BACE1: variants seen among roughly 807,000 people sequenced by gnomAD.
BACE1 encodes beta-secretase 1.
In BACE1, 21 loss-of-function variants were observed where a neutral mutation model predicts 54.0. The observed-to-expected ratio is 0.39, with a 90% CI of 0.28 to 0.56. The LOEUF (loss-of-function observed/expected upper bound fraction) is 0.56, where lower values mean the gene tolerates loss of function less well. BACE1 is among the 20% of genes least tolerant of loss of function. The pLI, the probability that BACE1 is intolerant of heterozygous loss-of-function variation, is 0.63. For synonymous variants in BACE1, 232 were observed against 260.9 expected (o/e 0.89, Z 1.07); for missense variants, 511 against 661.2 (o/e 0.77, Z 2.49).
In BACE1 at chr11:117,289,596, GTCA is replaced by G. The variant is rs2034354231; in HGVS notation, c.1473_1475del (p.Asp492del). The G allele has an allele frequency of 6.2e-7, 1 of 1,614,224 alleles. No individual in the cohort carries two copies. Among genetic ancestry groups the G allele is most frequent in the South Asian group, 1.1e-5 (1 of 91,086 alleles). On this transcript the variant is annotated inframe_deletion, in exon 9 of 9. Transcript: ENST00000313005. Reference sequence around the variant, plus strand: ...TCAGCAGGGAGATGTCATCAGCAAAGTCATCATGCTGCTGGCGCAGGCAGCGGA... The same window carrying G: ...TCAGCAGGGAGATGTCATCAGCAAAGTCATGCTGCTGGCGCAGGCAGCGGA...
chr11:117,307,176 C>A (rs527538050), intron 1 of BACE1, among the ~76,000 whole-genome samples: 10 of 152,326 alleles, frequency 6.6e-5, no homozygotes, highest in Middle Eastern at 3.4e-3. Context: ...AATCTCAGGG[C>A]AGCTCCAGAA....
rs374456024 is a variant in BACE1, at chr11:117,289,622, G to A, written c.1450C>T (p.Arg484Cys). ...CLMVCQWRCL[R>C]CLRQQHDDFA... Reference sequence around the variant, plus strand: ...TCATCATGCTGCTGGCGCAGGCAGCGGAGGCAGCGCCACTGACACACCATG... The same window carrying A: ...TCATCATGCTGCTGGCGCAGGCAGCAGAGGCAGCGCCACTGACACACCATG... The change falls in exon 9 of 9, where the codon CGC becomes TGC. Residue 484 changes from arginine to cysteine, a missense_variant. This residue lies in a region of BACE1 where 407 missense variants were observed against 565.7 expected (regional missense o/e 0.72). Transcript: ENST00000313005. 4 of 1,614,184 alleles carry A rather than the reference G, an allele frequency of 2.5e-6. No individual in the cohort carries two copies. The highest frequency in any genetic ancestry group is 1.1e-5 in the South Asian group (1 of 91,074).
chr11:117,302,951 C>T (rs1347826180), intron 1 of BACE1, among the ~76,000 whole-genome samples: 4 of 152,226 alleles, frequency 2.6e-5, no homozygotes, highest in Non-Finnish European at 4.4e-5. Context: ...CACCTCCCCT[C>T]ATATCGAATT....
chr11:117,286,494 A>G lies in BACE1; in HGVS notation c.*3072T>C, dbSNP rs1241468179. On this transcript the variant is annotated 3_prime_UTR_variant, in exon 9 of 9. Coordinates refer to ENST00000313005, the MANE Select transcript of BACE1 (RefSeq NM_012104.6). ...AAAAAACTGACTCCAGGGAAAGGAC[A>G]TTATTATATTACCAATAGCTGATTT... The G allele has an allele frequency of 6.6e-6, 1 of 152,622 alleles. No individual in the cohort carries two copies. Among genetic ancestry groups the G allele is most frequent in the African/African-American group, 2.4e-5 (1 of 41,456 alleles). The allele number at this position is 152,622 out of a possible 1,614,324, so 9.5% of individuals were successfully genotyped here.
intron 2 of BACE1, 160 bp from the exon 3 acceptor site, chr11:117,295,507 C>T (rs763610769): frequency 6.5e-7 from 1 of 1,536,426 alleles, no homozygotes; most frequent in South Asian, 1.2e-5. Flanking sequence ...CCACCCAGAA[C>T]AGAGTGTAAA....
At chr11:117,314,200 A>G (rs2035019799) in intron 1 of BACE1, among the ~76,000 whole-genome samples, 1 of 152,196 alleles carries the variant, frequency 6.6e-6, no homozygotes, top group African/African-American at 2.4e-5. Flanking sequence ...TGACGATATC[A>G]TCTAGCGTTC....
chr11:117,293,092 C>T lies in BACE1; in HGVS notation c.802G>A (p.Glu268Lys). ...WYYEVIIVRV[E>K]INGQDLKMDC... Reference sequence around the variant, plus strand: ...ATTTTCAGATCCTGTCCATTGATCTCCACCCGCACAATGATCACCTCATAA... The same window carrying T: ...ATTTTCAGATCCTGTCCATTGATCTTCACCCGCACAATGATCACCTCATAA... The change falls in exon 5 of 9, where the codon GAG becomes AAG. Residue 268 changes from glutamate to lysine, a missense_variant. Around this residue, in one of 2 missense-constraint regions of BACE1, gnomAD observed 407 missense variants for 565.7 expected, o/e 0.72. Transcript: ENST00000313005. This position sits in a 1 kb window ranked among gnomAD's most constrained non-coding sequence, Gnocchi z 4.1. 1 of 1,614,068 alleles carries T rather than the reference C, an allele frequency of 6.2e-7. No homozygotes were observed. Among genetic ancestry groups the T allele is most frequent in the South Asian group, 1.1e-5 (1 of 91,060 alleles).
chr11:117,313,696 C>T (rs1460395736), intron 1 of BACE1, among the ~76,000 whole-genome samples: 1 of 152,154 alleles, frequency 6.6e-6, no homozygotes, highest in African/African-American at 2.4e-5. Flanking sequence ...CCTTGGCCCC[C>T]CAAAGTGCTG....
chr11:117,299,672 G>A (rs1435332659), intron 1 of BACE1: 2 of 405,610 alleles, frequency 4.9e-6, no homozygotes, highest in Admixed American at 2.8e-5. Context: ...TCTCTCCCCG[G>A]TCTCTGGGCA....
intron 1 of BACE1, among the ~76,000 whole-genome samples, chr11:117,312,172 A>G (rs966158150): frequency 3.3e-5 from 5 of 152,210 alleles, no homozygotes; most frequent in Non-Finnish European, 5.9e-5. Context: ...CTCCTAAACA[A>G]CCATGCTTAA....
At chr11:117,308,724 C>T (rs955123132) in intron 1 of BACE1, among the ~76,000 whole-genome samples, 1 of 151,774 alleles carries the variant, frequency 6.6e-6, no homozygotes, top group Non-Finnish European at 1.5e-5. Flanking sequence ...CTGAGGCGGG[C>T]GGTCACTTGA....
At chr11:117,303,734 C>T (rs537188323) in intron 1 of BACE1, among the ~76,000 whole-genome samples, 1 of 152,220 alleles carries the variant, frequency 6.6e-6, no homozygotes, top group Non-Finnish European at 1.5e-5. Flanking sequence ...AGTGGGGGCT[C>T]TAGCTCCAAT....
rs962552231 is a variant in BACE1 at position 117,287,207 on chromosome 11, C to G, written c.*2359G>C. ...TTGGAGAGTTGTGCATGGGAGCGAG[C>G]GCCTCAGTGTTACTCTTTCTTGTTC... On this transcript the variant is annotated 3_prime_UTR_variant, in exon 9 of 9. Transcript: ENST00000313005. 1 of 152,148 alleles carries G rather than the reference C, an allele frequency of 6.6e-6. No homozygotes were observed. Among genetic ancestry groups the G allele is most frequent in the South Asian group, 2.1e-4 (1 of 4,824 alleles). 9.4% of individuals were successfully genotyped at this position (152,148 alleles called of 1,614,324 possible).
At position 117,291,032 on chromosome 11, in the gene BACE1, A is replaced by G; in HGVS notation, c.960T>C (p.Asp320=). The change falls in exon 7 of 9, where the codon GAT becomes GAC. Residue 320 remains aspartate (D), a synonymous_variant. Transcript: ENST00000313005. ...CCAGCTGCTCTCCTAGCCAGAAACCATCAGGGAACTTCTCCGTCTGTGTTG... is the reference window on the plus strand; with the variant it reads ...CCAGCTGCTCTCCTAGCCAGAAACCGTCAGGGAACTTCTCCGTCTGTGTTG... ...KAASSTEKFP[D]GFWLGEQLVC... is the part of the protein sequence containing the mutation. 6.2e-7 allele frequency: 1 copy of G among 1,614,166 alleles called. No individual in the cohort carries two copies. The highest frequency in any genetic ancestry group is 8.5e-7 in the Non-Finnish European group (1 of 1,180,034).
chr11:117,297,123 C>T, intron 1 of BACE1, 162 bp from the exon 2 acceptor site: 1 of 596,792 alleles, frequency 1.7e-6, no homozygotes, highest in Non-Finnish European at 2.9e-6. Context: ...ACCACCACGA[C>T]CACAGACAGG....
rs559158000 is a variant in BACE1 at position 117,289,117 on chromosome 11, A to T, written c.*449T>A. Reference sequence around the variant, plus strand: ...AATAGCAAACTGTGCATCCTCTCCTACTGACTTTGGCCAGCAGGGAAACAA... The same window carrying T: ...AATAGCAAACTGTGCATCCTCTCCTTCTGACTTTGGCCAGCAGGGAAACAA... On this transcript the variant is annotated 3_prime_UTR_variant, in exon 9 of 9. Coordinates refer to ENST00000313005, the MANE Select transcript of BACE1 (RefSeq NM_012104.6). The T allele has an allele frequency of 2.1e-4, 37 of 179,444 alleles. No individual in the cohort carries two copies. Among genetic ancestry groups the T allele is most frequent in the African/African-American group, 8.4e-4 (36 of 42,824 alleles). 11.1% of individuals were successfully genotyped at this position (179,444 alleles called of 1,614,324 possible).
At position 117,295,221 on chromosome 11, in the gene BACE1, G is replaced by A. The variant is rs772712084; in HGVS notation, c.477C>T (p.Asn159=). 6.2e-7 allele frequency: 1 copy of A among 1,614,194 alleles called. No individual in the cohort carries two copies. Among genetic ancestry groups the A allele is most frequent in the African/African-American group, 1.3e-5 (1 of 75,052 alleles). ...PHGPNVTVRA[N]IAAITESDKF... ...TGTCTGATTCAGTGATGGCAGCAAT[G>A]TTGGCACGCACAGTGACGTTGGGGC... The change falls in exon 3 of 9, where the codon AAC becomes AAT. Residue 159 remains asparagine (N), a synonymous_variant. Transcript: ENST00000313005.
At chr11:117,300,369 G>A (rs538074124) in intron 1 of BACE1, among the ~76,000 whole-genome samples, 1 of 152,318 alleles carries the variant, frequency 6.6e-6, no homozygotes, top group Non-Finnish European at 1.5e-5. Context: ...CCCGAGAGAA[G>A]TAATTCTGGT....
At chr11:117,295,575 C>T (rs2034578384) in intron 2 of BACE1, 1 of 1,535,660 alleles carries the variant, frequency 6.5e-7, no homozygotes, top group Non-Finnish European at 8.7e-7. Flanking sequence ...CTATCTATTG[C>T]TCATATTCCT....
Sources: allele counts gnomAD v4.1 joint callset (sites outside exome capture counted in the v4.1 genomes callset), GRCh38; gene constraint gnomAD v4.1.1; regional missense constraint gnomAD v4.1.1; non-coding constraint Gnocchi (gnomAD v3.1); transcripts MANE v1.5; gene names NCBI Gene and HGNC (gene_info 2026-07-23, HGNC 2026-07-21).